Variants in ANO4 observed in about 807,000 individuals in gnomAD.
ANO4 encodes anoctamin 4, also known as anoctamin-4.
ANO4 carries 69 observed loss-of-function variants against 141.9 expected under a neutral mutation model. The observed-to-expected ratio is 0.49, with a 90% confidence interval of 0.40 to 0.59. The LOEUF is 0.59. ANO4 is among the 20% of genes least tolerant of loss of function. The probability of loss-of-function intolerance (pLI) is 0.00; values close to 1 mark genes in which losing one functional copy is unlikely to be tolerated. For missense variants in ANO4, 894 were observed against 1,162.2 expected, an observed-to-expected ratio of 0.77 and a Z score of 3.36; for synonymous variants, 350 against 394.3, an observed-to-expected ratio of 0.89 and a Z score of 1.33.
chr12:100,869,139 A>G (rs1324171801), intron 1 of ANO4, among the ~76,000 whole-genome samples: 1 of 152,222 alleles, frequency 6.6e-6, no homozygotes. Flanking sequence ...ATCCGGGGTG[A>G]GTATATCCCA....
chr12:100,980,442 A>T (rs1296521263), intron 7 of ANO4, among the ~76,000 whole-genome samples: 1 of 152,190 alleles, frequency 6.6e-6, no homozygotes, highest in Non-Finnish European at 1.5e-5. Flanking sequence ...TGATATTCTA[A>T]ATTGAAGGCC....
intron 1 of ANO4, among the ~76,000 whole-genome samples, chr12:100,857,410 A>G (rs1164876218): frequency 1.3e-5 from 2 of 152,176 alleles, no homozygotes; most frequent in Non-Finnish European, 2.9e-5. Flanking sequence ...TTTTCCATGT[A>G]GGATGTTAAA....
chr12:101,080,865 G>GATATATATATATATTTTAT (rs1555296490), intron 15 of ANO4, among the ~76,000 whole-genome samples: 1 of 109,374 alleles, frequency 9.1e-6, no homozygotes, highest in African/African-American at 3.3e-5. Context: ...CTAGGTTCTA[G>GATATATATATATATTTTAT]ATATATATAT....
chr12:100,956,755 G>A (rs1262038216), intron 5 of ANO4, among the ~76,000 whole-genome samples: 5 of 152,120 alleles, frequency 3.3e-5, no homozygotes, highest in African/African-American at 1.2e-4. Flanking sequence ...TTCGCTGTTC[G>A]CTGTTGCTTC....
chr12:100,901,830 C>G lies in ANO4; in HGVS notation c.45C>G (p.Val15=). ...SSGITNGKTK[V]FHPEGGVDLQ... ...GAATCACTAATGGAAAAACCAAAGT[C>G]TTCCACCCAGGTGATGCATGGGGAA... Residue 15 remains valine, a synonymous_variant, in exon 2 of 28, where the codon GTC becomes GTG. Coordinates refer to ENST00000392977, the MANE Select transcript of ANO4 (RefSeq NM_001286615.2). The G allele has an allele frequency of 1.2e-6, 2 of 1,608,138 alleles. No individual in the cohort carries two copies. The highest frequency in any genetic ancestry group is 1.7e-6 in the Non-Finnish European group (2 of 1,177,514).
At chr12:100,863,372 A>G (rs1206835785) in intron 1 of ANO4, among the ~76,000 whole-genome samples, 1 of 152,214 alleles carries the variant, frequency 6.6e-6, no homozygotes, top group Non-Finnish European at 1.5e-5. Flanking sequence ...ATAATAATTC[A>G]GGCATGAAAT....
chr12:100,829,288 A>T (rs1228040557), intron 1 of ANO4, among the ~76,000 whole-genome samples: 1 of 152,054 alleles, frequency 6.6e-6, no homozygotes, highest in Non-Finnish European at 1.5e-5. Context: ...CTCAATCCTC[A>T]GTTTTCTTAT....
chr12:100,945,829 T>C (rs2042698796), intron 5 of ANO4, among the ~76,000 whole-genome samples: 1 of 152,194 alleles, frequency 6.6e-6, no homozygotes, highest in Non-Finnish European at 1.5e-5. Flanking sequence ...ATGATGGTTA[T>C]TTCATTCAAA....
intron 1 of ANO4, among the ~76,000 whole-genome samples, chr12:100,894,570 A>T (rs1436353747): frequency 6.6e-6 from 1 of 152,024 alleles, no homozygotes; most frequent in Non-Finnish European, 1.5e-5. Flanking sequence ...TAAGCTAATG[A>T]CACATGAGGT....
chr12:101,066,674 G>A (rs1593176331), intron 14 of ANO4: 3 of 630,412 alleles, frequency 4.8e-6, no homozygotes, highest in East Asian at 2.8e-5. Flanking sequence ...CCCTGCGGTC[G>A]GCGGCCTCCT....
At chr12:100,942,563 A>G in intron 5 of ANO4, 28 bp downstream of exon 5, 1 of 1,604,070 alleles carries the variant, frequency 6.2e-7, no homozygotes, top group Middle Eastern at 1.7e-4. Flanking sequence ...ATGAGAAAAA[A>G]ATATATACAT....
At chr12:100,775,735 C>T (rs1308661614) in intron 3 of ANO4, among the ~76,000 whole-genome samples, 1 of 152,028 alleles carries the variant, frequency 6.6e-6, no homozygotes, top group Non-Finnish European at 1.5e-5. Flanking sequence ...TATTAGCAGC[C>T]ACTCCAAGGC....
intron 1 of ANO4, among the ~76,000 whole-genome samples, chr12:100,809,998 C>T (rs1271431651): frequency 6.6e-6 from 1 of 152,058 alleles, no homozygotes; most frequent in Admixed American, 6.6e-5. Flanking sequence ...GCTAGGCATG[C>T]AGCAGTGTGC....
At chr12:100,968,099 AAAT>A (rs2043758357) in intron 5 of ANO4, among the ~76,000 whole-genome samples, 1 of 151,822 alleles carries the variant, frequency 6.6e-6, no homozygotes, top group Admixed American at 6.6e-5. Context: ...GAAAAATAAT[AAAT>A]AAATAATATT....
At chr12:100,779,674 G>A (rs2135576541) in intron 3 of ANO4, among the ~76,000 whole-genome samples, 1 of 152,296 alleles carries the variant, frequency 6.6e-6, no homozygotes, top group South Asian at 2.1e-4. Context: ...AGGTTGGTAT[G>A]CCAGACTCCC....
At chr12:101,003,001 C>G (rs2045716457) in intron 8 of ANO4, among the ~76,000 whole-genome samples, 1 of 152,206 alleles carries the variant, frequency 6.6e-6, no homozygotes, top group Non-Finnish European at 1.5e-5. Context: ...TTGCTCTCCT[C>G]CCCACAAACC....
intron 2 of ANO4, among the ~76,000 whole-genome samples, chr12:100,908,493 G>A (rs905871425): frequency 1.3e-5 from 2 of 151,952 alleles, no homozygotes; most frequent in Non-Finnish European, 2.9e-5. Flanking sequence ...TTATAATTAA[G>A]AAAAAAATAT....
chr12:100,728,197 A>C (rs2031223485), intron 1 of ANO4, among the ~76,000 whole-genome samples: 1 of 152,196 alleles, frequency 6.6e-6, no homozygotes, highest in South Asian at 2.1e-4. Context: ...GGTTAGGATG[A>C]AAGGTAAGAT....
At chr12:101,082,398 A>G (rs1289602894) in intron 15 of ANO4, among the ~76,000 whole-genome samples, 1 of 152,178 alleles carries the variant, frequency 6.6e-6, no homozygotes, top group East Asian at 1.9e-4. Context: ...TAGCAGTATG[A>G]AAATGGACAG....
Sources: gnomAD v4.1 joint callset for allele counts (sites outside exome capture counted in the v4.1 genomes callset) on GRCh38, gnomAD v4.1.1 for gene constraint, MANE v1.5 for transcripts, NCBI Gene and HGNC (gene_info 2026-07-23, HGNC 2026-07-21) for gene names.